The following ZNF638 variants were observed in gnomAD, a reference collection of about 807,000 sequenced individuals.
ZNF638 encodes zinc finger protein 638.
Under a neutral mutation model 195.6 loss-of-function variants are expected in ZNF638, and 46 were observed. The ratio of observed to expected loss-of-function variants is 0.24; its 90% CI spans 0.19 to 0.30. The LOEUF (loss-of-function observed/expected upper bound fraction) is 0.30. Among genes scored for constraint, ZNF638 ranks in the 10% least tolerant of loss-of-function variants. The probability of loss-of-function intolerance (pLI) is 1.00; values close to 1 mark genes in which losing one functional copy is unlikely to be tolerated. For synonymous variants in ZNF638, 845 were observed against 772.0 expected, an observed-to-expected ratio of 1.09 and a Z score of -1.57; for missense variants, 2,440 against 2,325.3, an observed-to-expected ratio of 1.05 and a Z score of -1.01.
rs1192926009 is a variant in ZNF638, at chr2:71,349,164, T to C, written c.210T>C (p.Asn70=). 1.2e-6 allele frequency: 2 copies of C among 1,614,062 alleles called. No homozygotes were observed. Among genetic ancestry groups the C allele is most frequent in the African/African-American group, 2.7e-5 (2 of 74,914 alleles). ...SYQNMGPQRM[N]VQVTQHRTDP... ...AGAACATGGGGCCACAGAGAATGAA[T>C]GTTCAGGTAACTCAACACAGAACTG... Residue 70 remains asparagine, a synonymous_variant, in exon 2 of 28, where the codon AAT becomes AAC. Coordinates refer to ENST00000264447, the MANE Select transcript of ZNF638 (RefSeq NM_014497.5).
intron 14 of ZNF638, 88 bp downstream of exon 14, chr2:71,400,268 G>A (rs2079980031): frequency 2.6e-6 from 3 of 1,139,694 alleles, no homozygotes; most frequent in African/African-American, 3.2e-5. Context: ...TACGATTCAT[G>A]TCTTTATCTC....
intron 8 of ZNF638, among the ~76,000 whole-genome samples, chr2:71,371,016 G>A (rs1411102538): frequency 6.6e-6 from 1 of 151,518 alleles, no homozygotes; most frequent in Non-Finnish European, 1.5e-5. Context: ...TCGACTTTCT[G>A]TCTCCATGAG....
At chr2:71,407,180 A>G (rs1489974145) in intron 19 of ZNF638, 6 of 152,192 alleles carry the variant, frequency 3.9e-5, no homozygotes, top group Non-Finnish European at 7.3e-5. Context: ...AAAGTGGACA[A>G]TATTCATAAA....
chr2:71,351,804 A>G (rs1456016445), intron 2 of ZNF638, among the ~76,000 whole-genome samples: 1 of 152,198 alleles, frequency 6.6e-6, no homozygotes, highest in Non-Finnish European at 1.5e-5. Flanking sequence ...TTATGCTCCC[A>G]AGACATTTAA....
rs1462964139 is a variant in ZNF638, at chr2:71,423,189, A to G, written c.3675A>G (p.Pro1225=). The change falls in exon 22 of 28, where the codon CCA becomes CCG. Residue 1225 remains proline (P), a synonymous_variant. Transcript: ENST00000264447. ...EIINPKTALL[P]SDSVFAEERN... ...TTAACCCTAAAACAGCATTGTTACC[A>G]TCTGACAGTGTGTTTGCAGAAGAAA... The G allele has an allele frequency of 3.1e-6, 5 of 1,614,054 alleles. No homozygotes were observed. The Admixed American group carries it at 5.0e-5, about 16-fold the overall frequency.
chr2:71,377,471 G>A (rs570273256), intron 8 of ZNF638, among the ~76,000 whole-genome samples: 1 of 152,332 alleles, frequency 6.6e-6, no homozygotes, highest in African/African-American at 2.4e-5. Context: ...CTGGGCGTTA[G>A]TGAATATTTG....
At chr2:71,386,727 A>ATT (rs2079648552) in intron 10 of ZNF638, among the ~76,000 whole-genome samples, 1 of 152,230 alleles carries the variant, frequency 6.6e-6, no homozygotes, top group Non-Finnish European at 1.5e-5. Flanking sequence ...TAAATAGTCC[A>ATT]TTTATAATAA....
Position 71,365,538 on chromosome 2 carries a change from G to A in ZNF638, c.1827G>A (p.Lys609=). ...ATAAGGGACATTCACCAGCACAAAA[G>A]CCTAAAACTAGCAGTGGAACAAAAC... ...AADKGHSPAQ[K]PKTSSGTKPS... is the part of the protein sequence containing the mutation. Residue 609 remains lysine (K), a synonymous_variant, in exon 6 of 28, where the codon AAG becomes AAA. Coordinates refer to ENST00000264447, the MANE Select transcript of ZNF638 (RefSeq NM_014497.5). The A allele has an allele frequency of 6.2e-7, 1 of 1,614,094 alleles. No individual in the cohort carries two copies. Among genetic ancestry groups the A allele is most frequent in the Non-Finnish European group, 8.5e-7 (1 of 1,180,030 alleles).
chr2:71,393,249 C>T (rs1447000304), intron 10 of ZNF638: 6 of 591,382 alleles, frequency 1.0e-5, no homozygotes, highest in Non-Finnish European at 1.5e-5. Context: ...AAATTTCAAT[C>T]AACTATAGAA....
intron 10 of ZNF638, among the ~76,000 whole-genome samples, chr2:71,382,833 A>T (rs2079556951): frequency 6.6e-6 from 1 of 152,204 alleles, no homozygotes; most frequent in East Asian, 1.9e-4. Flanking sequence ...GTTTGTTTTA[A>T]AGTTAGAATT....
chr2:71,387,603 G>C (rs1423610947), intron 10 of ZNF638, among the ~76,000 whole-genome samples: 1 of 151,930 alleles, frequency 6.6e-6, no homozygotes, highest in East Asian at 1.9e-4. Flanking sequence ...CCTGGGAGGT[G>C]GAGGTTGTAA....
intron 2 of ZNF638, 90 bp downstream of exon 2, chr2:71,350,361 C>T (rs558899048): frequency 3.2e-5 from 41 of 1,300,628 alleles, no homozygotes; most frequent in East Asian, 4.6e-5. Flanking sequence ...GTTAACTAGG[C>T]GTTAAGGAAA....
In ZNF638 at chr2:71,389,951, C is replaced by T. The variant is rs184745096; in HGVS notation, c.2378-6190C>T. On this transcript the variant is annotated intron_variant, in intron 10 of 27. Transcript: ENST00000264447. ...GTCAACTGGTGGGGACTGAAACACA[C>T]AAAGCCAAAATATTGGCCATGGCAA... Among the ~76,000 whole-genome samples the T allele has an allele frequency of 3.9e-5, 6 of 152,266 alleles. No individual in the cohort carries two copies. The East Asian group carries it at 5.8e-4, about 15-fold the overall frequency.
chr2:71,410,992 C>CTCTT (rs2080207335), intron 20 of ZNF638, among the ~76,000 whole-genome samples: 1 of 24,504 alleles, frequency 4.1e-5, no homozygotes, highest in Non-Finnish European at 7.7e-5. Flanking sequence ...CTCCCCCCCC[C>CTCTT]TTTTTTTTTT....
Position 71,331,793 on chromosome 2 carries a change from CG to C in ZNF638, c.-284del. ...GCGTGCAGCTCTTTGGAGGCGGTAG[CG>C]TTTTCGGCGTCGAGACTGGAGGCTG... On this transcript the variant is annotated 5_prime_UTR_variant, in exon 1 of 28. Coordinates refer to ENST00000264447, the MANE Select transcript of ZNF638 (RefSeq NM_014497.5). 1 of 986,044 alleles carries C rather than the reference CG, an allele frequency of 1.0e-6. No individual in the cohort carries two copies. Among genetic ancestry groups the C allele is most frequent in the Non-Finnish European group, 1.2e-6 (1 of 830,126 alleles). The allele number at this position is 986,044 out of a possible 1,614,324, so 61.1% of individuals were successfully genotyped here. A position where few individuals can be genotyped will look rare whatever the true frequency, so the allele number is the denominator to read the frequency against.
intron 8 of ZNF638, among the ~76,000 whole-genome samples, chr2:71,377,108 T>A (rs2058900): frequency 0.91 from 138,174 of 152,134 alleles, 62,799 homozygotes; most frequent in Admixed American, 0.93. Flanking sequence ...TCTTATCTCT[T>A]CAAAAAATTA....
intron 1 of ZNF638, among the ~76,000 whole-genome samples, chr2:71,343,778 C>T (rs1162225790): frequency 6.6e-6 from 1 of 152,120 alleles, no homozygotes; most frequent in African/African-American, 2.4e-5. Context: ...TTTCTGCTCC[C>T]CTCTCCCCAC....
intron 3 of ZNF638, among the ~76,000 whole-genome samples, chr2:71,359,061 A>G (rs1558840103): frequency 1.3e-5 from 2 of 152,166 alleles, no homozygotes; most frequent in Admixed American, 6.5e-5. Context: ...GAAACCAAAA[A>G]ACTTATGTGA....
chr2:71,408,510 A>G (rs2080149418), intron 20 of ZNF638: 1 of 366,286 alleles, frequency 2.7e-6, no homozygotes, highest in Admixed American at 4.6e-5. Context: ...GTGTATAGTG[A>G]CTCTTTGTAT....
Sources: allele counts gnomAD v4.1 joint callset (sites outside exome capture counted in the v4.1 genomes callset), GRCh38; gene constraint gnomAD v4.1.1; transcripts MANE v1.5; gene names NCBI Gene and HGNC (gene_info 2026-07-23, HGNC 2026-07-21).